Variants in TNNI3K observed in about 807,000 individuals in gnomAD.
TNNI3K encodes the protein TNNI3 interacting kinase, also known as serine/threonine-protein kinase TNNI3K.
In TNNI3K, 140 loss-of-function variants were observed where a neutral mutation model predicts 114.5. The ratio of observed to expected loss-of-function variants is 1.22; its 90% CI spans 1.07 to 1.41. TNNI3K has a LOEUF of 1.41. Ranked by LOEUF, TNNI3K falls within the 40% of genes most tolerant of loss-of-function variation. The probability of loss-of-function intolerance (pLI) is 0.00; values close to 1 mark genes in which losing one functional copy is unlikely to be tolerated. For missense variants in TNNI3K, 1,125 were observed against 1,007.6 expected (o/e 1.12, Z -1.58); for synonymous variants, 347 against 347.5 (o/e 1.00, Z 0.02).
At chr1:74,382,566 A>G (rs577118431) in intron 17 of TNNI3K, among the ~76,000 whole-genome samples, 2 of 152,338 alleles carry the variant, frequency 1.3e-5, no homozygotes, top group Admixed American at 1.3e-4. Context: ...GGGAAACAGC[A>G]TAGTCCCTTT....
intron 5 of TNNI3K, among the ~76,000 whole-genome samples, chr1:74,328,300 T>C (rs1660020791): frequency 6.6e-6 from 1 of 151,784 alleles, no homozygotes; most frequent in Non-Finnish European, 1.5e-5. Flanking sequence ...AGTGTGAAGT[T>C]GATTTACCAA....
chr1:74,305,383 A>G (rs184130683), intron 5 of TNNI3K, among the ~76,000 whole-genome samples: 2 of 152,204 alleles, frequency 1.3e-5, no homozygotes, highest in East Asian at 3.9e-4. Context: ...AAAATAAGGA[A>G]CCAGTACTGA....
chr1:74,364,815 A>C (rs904866417), intron 11 of TNNI3K, among the ~76,000 whole-genome samples: 3 of 151,334 alleles, frequency 2.0e-5, no homozygotes, highest in Non-Finnish European at 2.9e-5. Flanking sequence ...GGTGGCCTAT[A>C]AAACTTGGAA....
chr1:74,365,026 G>T (rs1662190900), intron 11 of TNNI3K, among the ~76,000 whole-genome samples: 1 of 152,040 alleles, frequency 6.6e-6, no homozygotes, highest in African/African-American at 2.4e-5. Flanking sequence ...GTATTTAGAA[G>T]ATTCGTCTGA....
chr1:74,275,215 C>G (rs990777208), intron 5 of TNNI3K, among the ~76,000 whole-genome samples: 3 of 152,022 alleles, frequency 2.0e-5, no homozygotes, highest in Non-Finnish European at 2.9e-5. Context: ...ACTGGACTTA[C>G]AGTTCCACAT....
At chr1:74,473,555 T>C (rs949110985) in intron 21 of TNNI3K, among the ~76,000 whole-genome samples, 1 of 151,498 alleles carries the variant, frequency 6.6e-6, no homozygotes, top group African/African-American at 2.4e-5. Flanking sequence ...ATTTTTAACA[T>C]TGTTAGGTGT....
At position 74,249,544 on chromosome 1, in the gene TNNI3K, GGTGA is replaced by G; in HGVS notation, c.235+3_235+6del. The G allele has an allele frequency of 6.2e-7, 1 of 1,613,038 alleles. No individual in the cohort carries two copies. The highest frequency in any genetic ancestry group is 8.5e-7 in the Non-Finnish European group (1 of 1,179,524). ...ACTTCATTTATGTTGCATTTGTGGA[GGTGA>G]GTACTTGAAACTTAGTACTTCTTAA... On this transcript the variant is annotated splice_donor_variant and splice_donor_region_variant and intron_variant, in intron 3 of 24. Coordinates refer to ENST00000326637, the MANE Select transcript of TNNI3K (RefSeq NM_015978.3). LOFTEE classifies it high-confidence loss of function.
intron 7 of TNNI3K, chr1:74,342,072 C>A (rs542020518): frequency 6.6e-6 from 1 of 152,260 alleles, no homozygotes; most frequent in African/African-American, 2.4e-5. Context: ...TCTGCTATTT[C>A]TGTTCCCTAG....
intron 7 of TNNI3K, among the ~76,000 whole-genome samples, chr1:74,342,221 A>T (rs1035968169): frequency 1.3e-5 from 2 of 152,172 alleles, no homozygotes; most frequent in East Asian, 3.9e-4. Context: ...CGAGAAGGAC[A>T]CATGTCTACT....
chr1:74,329,556 G>A (rs7540861), intron 5 of TNNI3K, among the ~76,000 whole-genome samples: 2,288 of 152,020 alleles, frequency 0.015, 50 homozygotes, highest in African/African-American at 0.05. Flanking sequence ...TGCTATCCCC[G>A]AGTGAATAAA....
At chr1:74,385,061 C>T (rs921506907) in intron 17 of TNNI3K, among the ~76,000 whole-genome samples, 3 of 152,134 alleles carry the variant, frequency 2.0e-5, no homozygotes, top group African/African-American at 7.2e-5. Flanking sequence ...TCAGAATTAT[C>T]TCAATTATGG....
chr1:74,241,802 T>C (rs1654237145), intron 2 of TNNI3K, among the ~76,000 whole-genome samples: 1 of 152,108 alleles, frequency 6.6e-6, no homozygotes, highest in African/African-American at 2.4e-5. Flanking sequence ...TTGTCAATTT[T>C]GGCTTTTGTT....
chr1:74,372,901 CTCTAA>C lies in TNNI3K; in HGVS notation c.1772+2515_1772+2519del, dbSNP rs1245077634. On this transcript the variant is annotated intron_variant, in intron 17 of 24. Coordinates refer to ENST00000326637, the MANE Select transcript of TNNI3K (RefSeq NM_015978.3). ...AGTTTATATCTACAATTTTTGCTGCCTCTAATCTAACCTAAATGCTTAATTGCATC... is the reference window on the plus strand; with the variant it reads ...AGTTTATATCTACAATTTTTGCTGCCTCTAACCTAAATGCTTAATTGCATC... The C allele has an allele frequency of 5.3e-5, 8 of 151,912 alleles. No homozygotes were observed. In the East Asian group the frequency reaches 1.2e-3, roughly 22 times the overall value. The allele number at this position is 151,912 out of a possible 1,614,324, so 9.4% of individuals were successfully genotyped here. A position where few individuals can be genotyped will look rare whatever the true frequency, so the allele number is the denominator to read the frequency against.
intron 5 of TNNI3K, among the ~76,000 whole-genome samples, chr1:74,325,205 T>C (rs1659832645): frequency 6.6e-6 from 1 of 152,162 alleles, no homozygotes; most frequent in Non-Finnish European, 1.5e-5. Context: ...CTGTGTTTGC[T>C]CCAGGCTTTT....
At chr1:74,537,769 G>T (rs868858476) in intron 23 of TNNI3K, among the ~76,000 whole-genome samples, 2 of 152,092 alleles carry the variant, frequency 1.3e-5, no homozygotes, top group African/African-American at 4.8e-5. Context: ...CGTTCTAGAG[G>T]GGTATGGAAG....
chr1:74,495,158 G>A (rs940716811), intron 23 of TNNI3K, among the ~76,000 whole-genome samples: 3 of 152,188 alleles, frequency 2.0e-5, no homozygotes. Flanking sequence ...TGATAAGGGT[G>A]TATCTGTCTG....
At chr1:74,466,620 G>T (rs539721385) in intron 21 of TNNI3K, among the ~76,000 whole-genome samples, 1 of 152,214 alleles carries the variant, frequency 6.6e-6, no homozygotes, top group African/African-American at 2.4e-5. Context: ...TCTTCAGCTG[G>T]CTTGAGATAT....
At chr1:74,476,925 G>C (rs1261396148) in intron 21 of TNNI3K, among the ~76,000 whole-genome samples, 1 of 152,078 alleles carries the variant, frequency 6.6e-6, no homozygotes, top group East Asian at 1.9e-4. Context: ...GAGAATAGCA[G>C]TTTCTGGTAA....
At chr1:74,356,105 A>C (rs1211856860) in intron 11 of TNNI3K, among the ~76,000 whole-genome samples, 1 of 152,182 alleles carries the variant, frequency 6.6e-6, no homozygotes, top group African/African-American at 2.4e-5. Context: ...CACTTTCTGC[A>C]CTTTATATAA....
Sources: gnomAD v4.1 joint callset for allele counts (sites outside exome capture counted in the v4.1 genomes callset) on GRCh38, gnomAD v4.1.1 for gene constraint, MANE v1.5 for transcripts, NCBI Gene and HGNC (gene_info 2026-07-23, HGNC 2026-07-21) for gene names.